Variants in QTMAN observed in about 807,000 individuals in gnomAD.
QTMAN encodes tRNA-queuosine alpha-mannosyltransferase.
At chr2:144,025,912 T>C in the QTMAN span, among the ~76,000 whole-genome samples, 12 of 152,336 alleles carry the variant, frequency 7.9e-5, 1 homozygote, top group African/African-American at 2.9e-4. Context: ...GGTTGGACTT[T>C]ATAGGGTATA....
the QTMAN span, among the ~76,000 whole-genome samples, chr2:144,175,371 T>G: frequency 6.6e-6 from 1 of 152,008 alleles, no homozygotes; most frequent in Non-Finnish European, 1.5e-5. Flanking sequence ...GAACTATACT[T>G]AGACACACAA....
chr2:144,107,732 T>C, the QTMAN span, among the ~76,000 whole-genome samples: 1 of 151,990 alleles, frequency 6.6e-6, no homozygotes, highest in African/African-American at 2.4e-5. Context: ...GAAAAAGAGG[T>C]ATTCCTCCCT....
At chr2:144,266,280 T>C in the QTMAN span, among the ~76,000 whole-genome samples, 2 of 152,110 alleles carry the variant, frequency 1.3e-5, no homozygotes, top group African/African-American at 4.8e-5. Flanking sequence ...AATAGTAAGT[T>C]CTTAGAAAGA....
chr2:143,943,831 A>G, the QTMAN span: 3 of 152,190 alleles, frequency 2.0e-5, no homozygotes, highest in African/African-American at 7.2e-5. Context: ...ATTTGCATCT[A>G]TTTCTGTCAA....
the QTMAN span, among the ~76,000 whole-genome samples, chr2:144,318,190 AAT>A: frequency 3.9e-5 from 5 of 128,438 alleles, no homozygotes; most frequent in South Asian, 1.2e-3. Flanking sequence ...GCTCTATTTA[AAT>A]AAACACACAC....
At chr2:144,326,945 G>A in the QTMAN span, among the ~76,000 whole-genome samples, 1 of 152,110 alleles carries the variant, frequency 6.6e-6, no homozygotes, top group Admixed American at 6.5e-5. Context: ...AAGATTCCAT[G>A]CATGGTTCCT....
chr2:144,206,685 C>A, the QTMAN span, among the ~76,000 whole-genome samples: 6 of 152,280 alleles, frequency 3.9e-5, no homozygotes, highest in African/African-American at 1.2e-4. Context: ...CAGATATCCA[C>A]CTCCCAAATA....
the QTMAN span, among the ~76,000 whole-genome samples, chr2:143,967,029 C>T: frequency 6.6e-5 from 10 of 152,186 alleles, no homozygotes; most frequent in Non-Finnish European, 1.0e-4. Flanking sequence ...TCCAATCCTT[C>T]TGGCTTGTAT....
chr2:144,175,249 A>T, the QTMAN span, among the ~76,000 whole-genome samples: 1 of 152,174 alleles, frequency 6.6e-6, no homozygotes, highest in Admixed American at 6.5e-5. Flanking sequence ...TAATCTTACC[A>T]CTCTGTTCAT....
the QTMAN span, among the ~76,000 whole-genome samples, chr2:144,014,605 C>T: frequency 2.6e-5 from 4 of 152,096 alleles, no homozygotes; most frequent in African/African-American, 4.8e-5. Flanking sequence ...TCAGACTGAC[C>T]TCATTAGCCA....
the QTMAN span, among the ~76,000 whole-genome samples, chr2:144,298,722 G>C: frequency 6.6e-6 from 1 of 152,152 alleles, no homozygotes; most frequent in Admixed American, 6.5e-5. Context: ...AGGGAGGAGA[G>C]GTCAGGCATA....
At chr2:144,041,913 G>T in the QTMAN span, among the ~76,000 whole-genome samples, 8 of 152,142 alleles carry the variant, frequency 5.3e-5, no homozygotes, top group African/African-American at 1.7e-4. Context: ...AGCAGGGGCA[G>T]GATTTTACTA....
chr2:143,998,435 G>C, the QTMAN span, among the ~76,000 whole-genome samples: 56 of 150,986 alleles, frequency 3.7e-4, no homozygotes, highest in Admixed American at 1.0e-3. Context: ...ACGACAGAAG[G>C]GGGGGGAAAG....
the QTMAN span, among the ~76,000 whole-genome samples, chr2:144,152,163 C>G: frequency 6.6e-6 from 1 of 152,240 alleles, no homozygotes; most frequent in Non-Finnish European, 1.5e-5. Flanking sequence ...GTGCTTATCA[C>G]GATGGCCAGG....
chr2:144,047,432 T>C, the QTMAN span, among the ~76,000 whole-genome samples: 1 of 152,156 alleles, frequency 6.6e-6, no homozygotes, highest in Non-Finnish European at 1.5e-5. Flanking sequence ...AGTTAACTAC[T>C]TAACTGAAAA....
the QTMAN span, among the ~76,000 whole-genome samples, chr2:144,278,406 C>G: frequency 7.2e-5 from 11 of 152,080 alleles, no homozygotes; most frequent in African/African-American, 2.7e-4. Context: ...CACTAAAATT[C>G]TGTAGTATGA....
the QTMAN span, among the ~76,000 whole-genome samples, chr2:144,066,739 C>T: frequency 6.6e-6 from 1 of 152,328 alleles, no homozygotes; most frequent in East Asian, 1.9e-4. Flanking sequence ...TTGCTTGAAC[C>T]TGGGAGGCGG....
chr2:143,963,027 T>C, the QTMAN span, among the ~76,000 whole-genome samples: 15 of 152,042 alleles, frequency 9.9e-5, no homozygotes, highest in African/African-American at 3.1e-4. Flanking sequence ...ATTAGAGAGT[T>C]TTCCCCCCTA....
chr2:144,301,484 G>T, the QTMAN span, among the ~76,000 whole-genome samples: 1 of 152,156 alleles, frequency 6.6e-6, no homozygotes, highest in Non-Finnish European at 1.5e-5. Flanking sequence ...CGGCCTCCCA[G>T]AGTGCTGGGA....
Sources: gnomAD v4.1 joint callset for allele counts (sites outside exome capture counted in the v4.1 genomes callset) on GRCh38, gnomAD v4.1.1 for gene constraint, MANE v1.5 for transcripts, NCBI Gene and HGNC (gene_info 2026-07-23, HGNC 2026-07-21) for gene names.